The following ANKRD44 variants were observed in gnomAD, a reference collection of about 807,000 sequenced individuals.
The protein encoded by ANKRD44 is ankyrin repeat domain 44, also known as serine/threonine-protein phosphatase 6 regulatory ankyrin repeat subunit B.
A neutral mutation model predicts 116.0 loss-of-function variants in ANKRD44; 35 were observed. The ratio of observed to expected loss-of-function variants is 0.30; its 90% CI spans 0.23 to 0.40. The LOEUF is 0.40. Ranked by LOEUF, ANKRD44 falls within the 10% of genes least tolerant of loss-of-function variation. The pLI, the probability that ANKRD44 is intolerant of heterozygous loss-of-function variation, is 1.00. For synonymous variants in ANKRD44, 435 were observed against 461.8 expected, an observed-to-expected ratio of 0.94 and a Z score of 0.74; for missense variants, 1,014 against 1,242.6, an observed-to-expected ratio of 0.82 and a Z score of 2.77.
chr2:197,046,783 T>G (rs1394256535), intron 16 of ANKRD44, among the ~76,000 whole-genome samples: 1 of 152,236 alleles, frequency 6.6e-6, no homozygotes, highest in Non-Finnish European at 1.5e-5. Flanking sequence ...TGTAAATCTT[T>G]ACTGTACTCA....
intron 2 of ANKRD44, among the ~76,000 whole-genome samples, chr2:197,163,309 C>T (rs1010207506): frequency 6.6e-6 from 1 of 152,206 alleles, no homozygotes; most frequent in African/African-American, 2.4e-5. Context: ...CCTATGAGGG[C>T]TGCCTGCTGT....
At position 197,067,432 on chromosome 2, in the gene ANKRD44, C is replaced by A. The variant is rs184303148; in HGVS notation, c.1650+11271G>T. On this transcript the variant is annotated intron_variant, in intron 16 of 27. Transcript: ENST00000282272. ...ATCAGAGTGAACAGGCAACCTACAACATGGGAGAAAATTTTCGCAACCTAC... is the reference window on the plus strand; with the variant it reads ...ATCAGAGTGAACAGGCAACCTACAAAATGGGAGAAAATTTTCGCAACCTAC... Among the ~76,000 whole-genome samples the A allele has an allele frequency of 2.6e-3, 398 of 151,784 alleles. 2 individuals are homozygous for A. Among genetic ancestry groups the A allele is most frequent in the African/African-American group, 9.0e-3 (371 of 41,412 alleles).
At chr2:197,026,378 T>C (rs1191137871) in intron 16 of ANKRD44, among the ~76,000 whole-genome samples, 2 of 152,196 alleles carry the variant, frequency 1.3e-5, no homozygotes, top group Non-Finnish European at 2.9e-5. Flanking sequence ...TGTAACTTTA[T>C]GTAGGGTGAT....
At position 197,013,542 on chromosome 2, in the gene ANKRD44, A is replaced by G. The variant is rs771450081; in HGVS notation, c.1893T>C (p.Asn631=). Residue 631 remains asparagine, a synonymous_variant, in exon 18 of 28, where the codon AAT becomes AAC. Transcript: ENST00000282272. The stretch of plus-strand genomic sequence containing the variant: ...CATGAAGTGGGGTTCTTTTGGTTAC[A>G]TTGTCTTTCACAAAGATGGATGCGC... ...NQGASIFVKD[N]VTKRTPLHAS... 3.7e-6 allele frequency: 6 copies of G among 1,614,214 alleles called. No individual in the cohort carries two copies. The East Asian group carries it at 8.9e-5, about 24-fold the overall frequency.
At chr2:197,304,280 C>T (rs1256869519) in intron 1 of ANKRD44, among the ~76,000 whole-genome samples, 1 of 152,092 alleles carries the variant, frequency 6.6e-6, no homozygotes, top group Non-Finnish European at 1.5e-5. Context: ...CACCACTATA[C>T]TCCAGCCTGG....
Position 197,179,034 on chromosome 2 carries a change from G to A in ANKRD44, c.111+7989C>T, listed in dbSNP as rs1418796251. On this transcript the variant is annotated intron_variant, in intron 2 of 27. Coordinates refer to ENST00000282272, the MANE Select transcript of ANKRD44 (RefSeq NM_001195144.2). ...TGCAGTGAGCTATAACCACACCACC[G>A]CACTCCAATCTGAGTGACAGAGAGA... Among the ~76,000 whole-genome samples the A allele has an allele frequency of 3.3e-5, 5 of 151,430 alleles. No individual in the cohort carries two copies. In the East Asian group the frequency reaches 5.8e-4, roughly 18 times the overall value.
intron 16 of ANKRD44, among the ~76,000 whole-genome samples, chr2:197,076,706 C>T (rs2125117460): frequency 6.6e-6 from 1 of 152,250 alleles, no homozygotes; most frequent in South Asian, 2.1e-4. Flanking sequence ...CTCTTTGTGT[C>T]CATGTGTTCT....
chr2:197,165,229 TCG>T (rs937195985), intron 2 of ANKRD44, among the ~76,000 whole-genome samples: 17 of 152,198 alleles, frequency 1.1e-4, no homozygotes, highest in African/African-American at 4.1e-4. Flanking sequence ...GATGGCACCA[TCG>T]GAACAAGAGG....
intron 1 of ANKRD44, chr2:197,250,965 T>G (rs1252213051): frequency 6.6e-6 from 1 of 152,182 alleles, no homozygotes; most frequent in Non-Finnish European, 1.5e-5. Flanking sequence ...GAAACACATC[T>G]CTCTTCACCC....
At chr2:196,981,563 G>A (rs544527882) in intron 21 of ANKRD44, among the ~76,000 whole-genome samples, 1 of 152,254 alleles carries the variant, frequency 6.6e-6, no homozygotes, top group South Asian at 2.1e-4. Context: ...ATCACCTGAG[G>A]TTGGGAGTTC....
chr2:197,113,227 A>C (rs2078631037), intron 8 of ANKRD44, among the ~76,000 whole-genome samples: 1 of 152,216 alleles, frequency 6.6e-6, no homozygotes, highest in Admixed American at 6.5e-5. Flanking sequence ...AAGTTATCTG[A>C]TTCCAGAGCT....
At chr2:197,276,959 G>A (rs991282493) in intron 1 of ANKRD44, among the ~76,000 whole-genome samples, 5 of 143,752 alleles carry the variant, frequency 3.5e-5, no homozygotes, top group African/African-American at 1.3e-4. Context: ...ATGGAGTCTC[G>A]CTCTGTTGCC....
intron 1 of ANKRD44, among the ~76,000 whole-genome samples, chr2:197,209,362 T>C (rs1041653136): frequency 1.3e-5 from 2 of 152,184 alleles, no homozygotes; most frequent in African/African-American, 2.4e-5. Context: ...GAAAACACTT[T>C]CAATTCCCCA....
intron 1 of ANKRD44, among the ~76,000 whole-genome samples, chr2:197,259,926 A>T (rs548951003): frequency 1.3e-5 from 2 of 151,266 alleles, no homozygotes; most frequent in African/African-American, 4.9e-5. Flanking sequence ...TTGAGGGGGG[A>T]AAAAAAAAGA....
chr2:197,090,444 C>G (rs2078017153), intron 10 of ANKRD44, among the ~76,000 whole-genome samples: 1 of 151,676 alleles, frequency 6.6e-6, no homozygotes, highest in South Asian at 2.1e-4. Flanking sequence ...CTGAGCAAGA[C>G]AAACTCAAGT....
At position 197,015,389 on chromosome 2, in the gene ANKRD44, T is replaced by A. The variant is rs559098016; in HGVS notation, c.1723-1677A>T. The A allele has an allele frequency of 6.1e-5, 36 of 588,366 alleles. No homozygotes were observed. In the East Asian group the frequency reaches 1.4e-3, roughly 23 times the overall value. 36.4% of individuals were successfully genotyped at this position (588,366 alleles called of 1,614,324 possible). ...GGCAGATTGGAAAAAAAGAGAGGAT[T>A]TGCTTTTGTAACTTTTGATGATCAT... On this transcript the variant is annotated intron_variant, in intron 17 of 27. Transcript: ENST00000282272.
intron 17 of ANKRD44, among the ~76,000 whole-genome samples, chr2:197,022,947 T>C (rs991385241): frequency 6.6e-6 from 1 of 152,252 alleles, no homozygotes; most frequent in Non-Finnish European, 1.5e-5. Flanking sequence ...ATTTGAGATA[T>C]TTCCTCGCCT....
At chr2:197,298,773 C>T (rs2083802540) in intron 1 of ANKRD44, among the ~76,000 whole-genome samples, 1 of 151,954 alleles carries the variant, frequency 6.6e-6, no homozygotes, top group Admixed American at 6.6e-5. Flanking sequence ...AAAAACTAGC[C>T]AGGTGTAGTG....
intron 1 of ANKRD44, among the ~76,000 whole-genome samples, chr2:197,306,288 T>G (rs2105927328): frequency 1.3e-5 from 2 of 152,244 alleles, no homozygotes; most frequent in South Asian, 4.1e-4. Flanking sequence ...ACTGCCAGGG[T>G]AGGACAGTGT....
Sources: allele counts gnomAD v4.1 joint callset (sites outside exome capture counted in the v4.1 genomes callset), GRCh38; gene constraint gnomAD v4.1.1; transcripts MANE v1.5; gene names NCBI Gene and HGNC (gene_info 2026-07-23, HGNC 2026-07-21).